The following PPFIA1 variants were observed in gnomAD, a reference collection of about 807,000 sequenced individuals.
The protein encoded by PPFIA1 is PPFI scaffold protein A1, also known as liprin-alpha-1.
PPFIA1 carries 25 observed loss-of-function variants against 149.9 expected under a neutral mutation model. The observed-to-expected ratio is 0.17, with a 90% CI of 0.12 to 0.23. PPFIA1 has a LOEUF of 0.23. PPFIA1 is among the 10% of genes least tolerant of loss of function. The pLI, the probability that PPFIA1 is intolerant of heterozygous loss-of-function variation, is 1.00. For missense variants in PPFIA1, 1,362 were observed against 1,506.5 expected, an observed-to-expected ratio of 0.90 and a Z score of 1.59; for synonymous variants, 549 against 552.8, an observed-to-expected ratio of 0.99 and a Z score of 0.10.
At chr11:70,305,454 C>A (rs2052785635) in intron 2 of PPFIA1, among the ~76,000 whole-genome samples, 1 of 152,138 alleles carries the variant, frequency 6.6e-6, no homozygotes, top group African/African-American at 2.4e-5. Context: ...CTCCTGCAGC[C>A]TCGACCTCCT....
intron 2 of PPFIA1, among the ~76,000 whole-genome samples, chr11:70,305,435 T>G (rs1202438793): frequency 6.6e-6 from 1 of 152,174 alleles, no homozygotes; most frequent in African/African-American, 2.4e-5. Context: ...TGCAATGGCA[T>G]GATCACGGCT....
At chr11:70,342,890 A>G (rs1369463054) in intron 14 of PPFIA1, among the ~76,000 whole-genome samples, 3 of 147,888 alleles carry the variant, frequency 2.0e-5, no homozygotes, top group African/African-American at 5.0e-5. Context: ...TCTTTACACT[A>G]GGAACATTCA....
chr11:70,325,070 C>T, intron 4 of PPFIA1, 59 bp downstream of exon 4: 1 of 1,452,112 alleles, frequency 6.9e-7, no homozygotes. Context: ...GCCAGCTTCA[C>T]AAGTGTTGGT....
chr11:70,292,877 C>G (rs1307940142), intron 2 of PPFIA1, among the ~76,000 whole-genome samples: 1 of 152,222 alleles, frequency 6.6e-6, no homozygotes, highest in Non-Finnish European at 1.5e-5. Context: ...CCTCTGCCCC[C>G]TTATAGTATT....
At chr11:70,337,806 T>G (rs2055075267) in intron 12 of PPFIA1, among the ~76,000 whole-genome samples, 1 of 152,262 alleles carries the variant, frequency 6.6e-6, no homozygotes, top group Non-Finnish European at 1.5e-5. Flanking sequence ...TGCAAAATGT[T>G]ATTATTTCAT....
At chr11:70,374,560 C>T (rs893483625) in intron 23 of PPFIA1, 3 of 188,908 alleles carry the variant, frequency 1.6e-5, no homozygotes, top group Non-Finnish European at 3.2e-5. Flanking sequence ...AGAAGACTCT[C>T]CAGTCTGTGT....
At chr11:70,306,453 ACATT>A (rs2052856392) in intron 2 of PPFIA1, among the ~76,000 whole-genome samples, 1 of 152,206 alleles carries the variant, frequency 6.6e-6, no homozygotes, top group Non-Finnish European at 1.5e-5. Context: ...TCATAAAATG[ACATT>A]CATAAAAAAA....
intron 2 of PPFIA1, among the ~76,000 whole-genome samples, chr11:70,295,183 G>C (rs2051830570): frequency 6.6e-6 from 1 of 150,392 alleles, no homozygotes; most frequent in Non-Finnish European, 1.5e-5. Context: ...CGGGCGGGGG[G>C]CTGACCCCCC....
chr11:70,320,633 C>T (rs1395864363), intron 2 of PPFIA1, among the ~76,000 whole-genome samples: 1 of 151,730 alleles, frequency 6.6e-6, no homozygotes, highest in Non-Finnish European at 1.5e-5. Context: ...GATGGGGTCT[C>T]ACTATGTTGC....
At chr11:70,365,463 C>T (rs560748095) in intron 21 of PPFIA1, 26 of 456,680 alleles carry the variant, frequency 5.7e-5, no homozygotes, top group South Asian at 3.7e-4. Flanking sequence ...GCCTGCACTC[C>T]TCCCAGCGCG....
intron 21 of PPFIA1, among the ~76,000 whole-genome samples, chr11:70,367,998 A>G (rs1034327709): frequency 2.5e-4 from 38 of 152,024 alleles, no homozygotes; most frequent in African/African-American, 8.2e-4. Flanking sequence ...TTAGCCAGGT[A>G]TTGTTGGCTT....
At chr11:70,350,595 C>G (rs1255422918) in intron 16 of PPFIA1, among the ~76,000 whole-genome samples, 1 of 152,046 alleles carries the variant, frequency 6.6e-6, no homozygotes. Flanking sequence ...TAGGTTTGTT[C>G]AGTTTTATAA....
chr11:70,300,828 C>T (rs1033876939), intron 2 of PPFIA1, among the ~76,000 whole-genome samples: 5 of 152,154 alleles, frequency 3.3e-5, no homozygotes, highest in Admixed American at 1.3e-4. Flanking sequence ...CCACCGCGCC[C>T]GGCCTACTCC....
At chr11:70,281,662 G>C (rs144881648) in intron 2 of PPFIA1, among the ~76,000 whole-genome samples, 9 of 152,256 alleles carry the variant, frequency 5.9e-5, no homozygotes, top group African/African-American at 9.6e-5. Context: ...TTTCTGCTGA[G>C]TTTTCTTCCC....
chr11:70,296,888 G>A (rs999406125), intron 2 of PPFIA1, among the ~76,000 whole-genome samples: 6 of 152,220 alleles, frequency 3.9e-5, no homozygotes, highest in African/African-American at 9.6e-5. Context: ...CTGGGTCTGC[G>A]CTGTCCCCTT....
chr11:70,333,027 C>G, intron 9 of PPFIA1: 1 of 457,146 alleles, frequency 2.2e-6, no homozygotes, highest in Non-Finnish European at 4.4e-6. Context: ...TGTAGTCTGA[C>G]CTTTTGTCTT....
intron 2 of PPFIA1, among the ~76,000 whole-genome samples, chr11:70,277,532 C>T (rs2050483313): frequency 6.6e-6 from 1 of 151,402 alleles, no homozygotes; most frequent in Non-Finnish European, 1.5e-5. Flanking sequence ...GCTCTGTTGC[C>T]CAGGCTGAAG....
chr11:70,314,597 T>TATAC (rs1159444591), intron 2 of PPFIA1, among the ~76,000 whole-genome samples: 2 of 152,242 alleles, frequency 1.3e-5, no homozygotes, highest in African/African-American at 4.8e-5. Flanking sequence ...TCTTTCTATA[T>TATAC]TTTATCTTAT....
intron 2 of PPFIA1, among the ~76,000 whole-genome samples, chr11:70,318,181 C>T (rs1033216791): frequency 5.3e-5 from 8 of 152,206 alleles, no homozygotes; most frequent in Middle Eastern, 3.2e-3. Flanking sequence ...CTTTCTTCTA[C>T]GCGGCATGCT....
Sources: gnomAD v4.1 joint callset for allele counts (sites outside exome capture counted in the v4.1 genomes callset) on GRCh38, gnomAD v4.1.1 for gene constraint, MANE v1.5 for transcripts, NCBI Gene and HGNC (gene_info 2026-07-23, HGNC 2026-07-21) for gene names.